PRKG1: variants seen among roughly 807,000 people sequenced by gnomAD.
PRKG1 encodes the protein protein kinase cGMP-dependent 1.
PRKG1 carries 35 observed loss-of-function variants against 88.1 expected under a neutral mutation model. That is an observed-to-expected ratio of 0.40 (90% CI 0.30 to 0.53). PRKG1 has a LOEUF of 0.53. Among genes scored for constraint, PRKG1 ranks in the 20% least tolerant of loss-of-function variants. The pLI is 0.59. For synonymous variants in PRKG1, 303 were observed against 292.5 expected (o/e 1.04, Z -0.37); for missense variants, 540 against 839.8 (o/e 0.64, Z 4.41).
At chr10:51,577,211 G>A (rs766061169) in intron 3 of PRKG1, among the ~76,000 whole-genome samples, 6 of 151,848 alleles carry the variant, frequency 4.0e-5, no homozygotes, top group African/African-American at 9.7e-5. Context: ...TTCCCATAAA[G>A]CAATATATTC....
chr10:51,019,668 A>T (rs923970338), intron 1 of PRKG1, among the ~76,000 whole-genome samples: 10 of 152,104 alleles, frequency 6.6e-5, no homozygotes, highest in African/African-American at 2.4e-4. Context: ...ATTAAAAAAA[A>T]TTGTGTCTCA....
At chr10:51,707,610 C>T (rs971763082) in intron 3 of PRKG1, among the ~76,000 whole-genome samples, 6 of 151,550 alleles carry the variant, frequency 4.0e-5, no homozygotes, top group African/African-American at 4.8e-5. Flanking sequence ...TTCCTGTGAC[C>T]GGAACAATAC....
intron 3 of PRKG1, among the ~76,000 whole-genome samples, chr10:51,639,626 T>C (rs1328630162): frequency 6.6e-6 from 1 of 151,188 alleles, no homozygotes; most frequent in African/African-American, 2.4e-5. Context: ...AAAGAATAAA[T>C]AAATTACTTG....
chr10:52,278,117 G>GAA (rs139686209), intron 12 of PRKG1, among the ~76,000 whole-genome samples: 2 of 151,480 alleles, frequency 1.3e-5, no homozygotes, highest in East Asian at 1.9e-4. Flanking sequence ...AAATTTACAA[G>GAA]AAAAAAAACA....
intron 4 of PRKG1, among the ~76,000 whole-genome samples, chr10:51,865,580 G>A (rs76684438): frequency 0.092 from 13,989 of 151,970 alleles, 830 homozygotes; most frequent in African/African-American, 0.16. Context: ...ATGTAATTAT[G>A]TAATTTCATT....
intron 3 of PRKG1, among the ~76,000 whole-genome samples, chr10:51,735,175 T>C (rs911218652): frequency 6.6e-6 from 1 of 152,182 alleles, no homozygotes; most frequent in African/African-American, 2.4e-5. Flanking sequence ...CCAGACAGAT[T>C]AGCTATCTTT....
At chr10:52,002,029 T>C (rs189420787) in intron 5 of PRKG1, among the ~76,000 whole-genome samples, 1 of 152,204 alleles carries the variant, frequency 6.6e-6, no homozygotes, top group East Asian at 1.9e-4. Context: ...ATTAAGCTAA[T>C]AACTATCAGT....
intron 2 of PRKG1, among the ~76,000 whole-genome samples, chr10:51,258,342 T>C (rs1271545338): frequency 6.6e-6 from 1 of 152,218 alleles, no homozygotes; most frequent in Non-Finnish European, 1.5e-5. Context: ...ATTCAAAGCA[T>C]GTGATTTCGA....
At chr10:51,853,122 A>G (rs1041369756) in intron 4 of PRKG1, among the ~76,000 whole-genome samples, 5 of 152,160 alleles carry the variant, frequency 3.3e-5, no homozygotes, top group African/African-American at 1.2e-4. Flanking sequence ...TTCAAATCAT[A>G]CTGCCTCTCT....
chr10:51,035,827 T>G (rs990726240), intron 1 of PRKG1, among the ~76,000 whole-genome samples: 1 of 152,190 alleles, frequency 6.6e-6, no homozygotes, highest in African/African-American at 2.4e-5. Flanking sequence ...CAATAACCAT[T>G]AACATTCTCT....
intron 3 of PRKG1, chr10:51,695,414 C>A (rs1440228449): frequency 6.6e-6 from 1 of 152,098 alleles, no homozygotes; most frequent in African/African-American, 2.4e-5. Flanking sequence ...GGTAATCAGG[C>A]CCCATGTATA....
chr10:51,644,646 A>G (rs1028353022), intron 3 of PRKG1, among the ~76,000 whole-genome samples: 1 of 152,110 alleles, frequency 6.6e-6, no homozygotes, highest in African/African-American at 2.4e-5. Flanking sequence ...TGTATATTTC[A>G]TGACTCAGGC....
chr10:51,516,429 GA>G (rs1024746166), intron 3 of PRKG1, among the ~76,000 whole-genome samples: 136 of 147,658 alleles, frequency 9.2e-4, no homozygotes, highest in Middle Eastern at 3.5e-3. Flanking sequence ...CATTCAATTG[GA>G]AAAAAAAAAA....
chr10:52,269,716 C>A (rs1374542373), intron 10 of PRKG1, among the ~76,000 whole-genome samples: 1 of 152,110 alleles, frequency 6.6e-6, no homozygotes, highest in Non-Finnish European at 1.5e-5. Context: ...TGTTTGGTAT[C>A]ATCTTGAGGA....
intron 5 of PRKG1, among the ~76,000 whole-genome samples, chr10:51,931,605 C>G (rs1410287809): frequency 2.0e-5 from 3 of 152,152 alleles, no homozygotes; most frequent in East Asian, 3.8e-4. Flanking sequence ...TGAAACTCCT[C>G]TCAGTTAAAT....
At position 51,986,210 on chromosome 10, in the gene PRKG1, G is replaced by T. The variant is rs12242283; in HGVS notation, c.763-68274G>T. 8.4e-3 allele frequency among the ~76,000 whole-genome samples: 1,278 copies of T among 152,130 alleles called. 14 individuals are homozygous for T. Among genetic ancestry groups the T allele is most frequent in the African/African-American group, 0.028 (1,148 of 41,502 alleles). ...ATCTTAAAATTGAAAAAAAATTAAC[G>T]CTTGTAAGTCAGGAACCACCTGTAC... On this transcript the variant is annotated intron_variant, in intron 5 of 17. Coordinates refer to ENST00000373980, the MANE Select transcript of PRKG1 (RefSeq NM_006258.4).
chr10:51,561,006 G>C (rs929881696), intron 3 of PRKG1, among the ~76,000 whole-genome samples: 4 of 152,024 alleles, frequency 2.6e-5, no homozygotes, highest in African/African-American at 7.2e-5. Context: ...TAGTGATTTG[G>C]GAGTCTGAGA....
intron 4 of PRKG1, among the ~76,000 whole-genome samples, chr10:51,809,632 T>C (rs1275698713): frequency 2.6e-5 from 4 of 152,310 alleles, no homozygotes; most frequent in African/African-American, 9.6e-5. Flanking sequence ...TGGTGGACCC[T>C]GATTTATATT....
intron 4 of PRKG1, among the ~76,000 whole-genome samples, chr10:51,817,271 T>C (rs1350354388): frequency 6.6e-6 from 1 of 152,136 alleles, no homozygotes; most frequent in Non-Finnish European, 1.5e-5. Flanking sequence ...ATGGTATACA[T>C]GTGCAATGGT....
Sources: allele counts gnomAD v4.1 joint callset (sites outside exome capture counted in the v4.1 genomes callset), GRCh38; gene constraint gnomAD v4.1.1; transcripts MANE v1.5; gene names NCBI Gene and HGNC (gene_info 2026-07-23, HGNC 2026-07-21).